PTPRD: variants seen among roughly 807,000 people sequenced by gnomAD.
PTPRD encodes protein tyrosine phosphatase receptor type D.
A neutral mutation model predicts 214.5 loss-of-function variants in PTPRD; 34 were observed. That is an observed-to-expected ratio of 0.16 (90% CI 0.12 to 0.21). PTPRD has a LOEUF of 0.21. Among genes scored for constraint, PTPRD ranks in the 10% least tolerant of loss-of-function variants. The pLI is 1.00. For missense variants in PTPRD, 2,545 were observed against 2,398.7 expected, an observed-to-expected ratio of 1.06 and a Z score of -1.27; for synonymous variants, 1,128 against 845.7, an observed-to-expected ratio of 1.33 and a Z score of -5.79.
chr9:10,603,255 C>A (rs1235351811), intron 2 of PTPRD, among the ~76,000 whole-genome samples: 1 of 151,804 alleles, frequency 6.6e-6, no homozygotes, highest in Non-Finnish European at 1.5e-5. Flanking sequence ...AGCATTTGTG[C>A]CACGCTTAAC....
At chr9:9,659,733 T>C (rs1223566534) in intron 7 of PTPRD, among the ~76,000 whole-genome samples, 2 of 152,118 alleles carry the variant, frequency 1.3e-5, no homozygotes, top group Admixed American at 1.3e-4. Context: ...GCTATTTGCA[T>C]TCCTAAAAGG....
chr9:8,914,207 A>G (rs1226652998), intron 11 of PTPRD, among the ~76,000 whole-genome samples: 1 of 152,186 alleles, frequency 6.6e-6, no homozygotes, highest in East Asian at 1.9e-4. Flanking sequence ...TAATGTAATA[A>G]TGATTAACAA....
chr9:10,359,926 G>A (rs566505782), intron 2 of PTPRD, among the ~76,000 whole-genome samples: 14 of 152,180 alleles, frequency 9.2e-5, no homozygotes, highest in African/African-American at 3.4e-4. Context: ...CAAATTACAG[G>A]GAGAATTGTA....
intron 11 of PTPRD, among the ~76,000 whole-genome samples, chr9:8,982,108 A>C (rs1250375036): frequency 1.3e-5 from 2 of 152,170 alleles, no homozygotes; most frequent in East Asian, 1.9e-4. Context: ...TTCAAAGTGA[A>C]ATTAACACAC....
At chr9:8,393,304 G>GTAAC (rs1219884450) in intron 36 of PTPRD, among the ~76,000 whole-genome samples, 1 of 152,184 alleles carries the variant, frequency 6.6e-6, no homozygotes, top group African/African-American at 2.4e-5. Context: ...GGATGGAAAT[G>GTAAC]TAACTTGAAA....
intron 11 of PTPRD, among the ~76,000 whole-genome samples, chr9:8,759,724 A>C (rs868743970): frequency 6.6e-6 from 1 of 150,506 alleles, no homozygotes; most frequent in African/African-American, 2.5e-5. Flanking sequence ...CATCAAGACT[A>C]TATCTTCTTC....
chr9:10,367,499 G>A (rs762253347), intron 2 of PTPRD, among the ~76,000 whole-genome samples: 2 of 152,112 alleles, frequency 1.3e-5, no homozygotes, highest in South Asian at 2.1e-4. Flanking sequence ...AAATACTTGA[G>A]TAAAATAATG....
At position 9,468,290 on chromosome 9, in the gene PTPRD, G is replaced by C. The variant is rs76631785; in HGVS notation, c.-236-70808C>G. Reference sequence around the variant, plus strand: ...TAATATTTCAAAAATGTTGGTAAAAGTTTATAATATTGTCTTTGGATTTCA... The same window carrying C: ...TAATATTTCAAAAATGTTGGTAAAACTTTATAATATTGTCTTTGGATTTCA... On this transcript the variant is annotated intron_variant, in intron 8 of 45. Transcript: ENST00000381196. Among the ~76,000 whole-genome samples, 671 of 152,008 alleles carry C rather than the reference G, an allele frequency of 4.4e-3. 3 individuals are homozygous for C. Among genetic ancestry groups the C allele is most frequent in the Non-Finnish European group, 7.4e-3 (501 of 67,936 alleles).
intron 4 of PTPRD, among the ~76,000 whole-genome samples, chr9:9,983,429 G>A (rs1242777567): frequency 6.6e-6 from 1 of 152,156 alleles, no homozygotes; most frequent in Non-Finnish European, 1.5e-5. Flanking sequence ...CAAACACTCT[G>A]TATGTAAAAG....
At position 9,066,116 on chromosome 9, in the gene PTPRD, G is replaced by T. The variant is rs532378211; in HGVS notation, c.-142-47381C>A. Among the ~76,000 whole-genome samples, 45 of 147,364 alleles carry T rather than the reference G, an allele frequency of 3.1e-4. No individual in the cohort carries two copies. In the South Asian group the frequency reaches 9.9e-3, roughly 32 times the overall value. The stretch of plus-strand genomic sequence containing the variant: ...TTGTTGCAACTGCATTCATGAAAAT[G>T]ACTGAAGTTAATATTTATTTCTTTT... On this transcript the variant is annotated intron_variant, in intron 10 of 45. Transcript: ENST00000381196.
intron 7 of PTPRD, among the ~76,000 whole-genome samples, chr9:9,730,188 T>C (rs1412800898): frequency 3.3e-5 from 5 of 152,118 alleles, no homozygotes; most frequent in Non-Finnish European, 5.9e-5. Flanking sequence ...ATACTACATT[T>C]GAATTAATTT....
intron 11 of PTPRD, among the ~76,000 whole-genome samples, chr9:8,783,085 C>T (rs1038108653): frequency 2.0e-5 from 3 of 152,034 alleles, no homozygotes; most frequent in Non-Finnish European, 2.9e-5. Flanking sequence ...ACAAGAAGTT[C>T]GAGCAAATTA....
intron 2 of PTPRD, among the ~76,000 whole-genome samples, chr9:10,395,762 G>C (rs565588258): frequency 5.9e-5 from 9 of 151,978 alleles, no homozygotes; most frequent in African/African-American, 2.2e-4. Context: ...AGGAATCCTA[G>C]TTTTAAATAC....
rs560262205 is a variant in PTPRD, at chr9:9,267,701, C to T, written c.-202-84338G>A. ...TACCATGATCAAGTGATATTTATCC[C>T]TGGAATGCAAGGATGGCTTAACATA... On this transcript the variant is annotated intron_variant, in intron 9 of 45. Transcript: ENST00000381196. Among the ~76,000 whole-genome samples the T allele has an allele frequency of 7.9e-5, 12 of 151,124 alleles. No individual in the cohort carries two copies. The South Asian group carries it at 2.5e-3, about 31-fold the overall frequency.
chr9:9,163,979 T>C (rs1278327334), intron 10 of PTPRD, among the ~76,000 whole-genome samples: 2 of 152,192 alleles, frequency 1.3e-5, no homozygotes, highest in African/African-American at 4.8e-5. Flanking sequence ...AATTTTTGGA[T>C]TAGTTTCAGT....
intron 2 of PTPRD, among the ~76,000 whole-genome samples, chr9:10,568,246 C>T (rs572617067): frequency 8.3e-4 from 126 of 151,746 alleles, no homozygotes; most frequent in African/African-American, 2.9e-3. Flanking sequence ...GATAGTTTGC[C>T]AAGAATGATG....
chr9:9,907,954 T>C (rs2078068516), intron 5 of PTPRD, among the ~76,000 whole-genome samples: 1 of 152,028 alleles, frequency 6.6e-6, no homozygotes, highest in Non-Finnish European at 1.5e-5. Flanking sequence ...TATAATTGAA[T>C]TTAATGTATT....
At chr9:10,083,870 C>A (rs2098282971) in intron 3 of PTPRD, among the ~76,000 whole-genome samples, 1 of 151,972 alleles carries the variant, frequency 6.6e-6, no homozygotes, top group Non-Finnish European at 1.5e-5. Flanking sequence ...GGAGCTCAAG[C>A]AATAATGCTC....
At chr9:8,771,995 G>A (rs1194789255) in intron 11 of PTPRD, among the ~76,000 whole-genome samples, 1 of 151,936 alleles carries the variant, frequency 6.6e-6, no homozygotes, top group Non-Finnish European at 1.5e-5. Flanking sequence ...ATAAATGCTT[G>A]AGATGGATAC....
Sources: allele counts gnomAD v4.1 joint callset (sites outside exome capture counted in the v4.1 genomes callset), GRCh38; gene constraint gnomAD v4.1.1; transcripts MANE v1.5; gene names NCBI Gene and HGNC (gene_info 2026-07-23, HGNC 2026-07-21).